The following ZNF804B variants were observed in gnomAD, a reference collection of about 807,000 sequenced individuals.
The protein encoded by ZNF804B is zinc finger protein 804B, also known as zinc finger 804B.
In ZNF804B, 80 loss-of-function variants were observed where a neutral mutation model predicts 101.4. That is an observed-to-expected ratio of 0.79 (90% CI 0.66 to 0.95). The LOEUF (loss-of-function observed/expected upper bound fraction) is 0.95, where lower values mean the gene tolerates loss of function less well. Among genes scored for constraint, ZNF804B ranks in the 40% least tolerant of loss-of-function variants. ZNF804B has a pLI of 0.00. For missense variants in ZNF804B, 1,673 were observed against 1,561.9 expected, an observed-to-expected ratio of 1.07 and a Z score of -1.20; for synonymous variants, 622 against 558.8, an observed-to-expected ratio of 1.11 and a Z score of -1.59.
chr7:89,272,786 C>T (rs975896264), intron 2 of ZNF804B, among the ~76,000 whole-genome samples: 16 of 152,030 alleles, frequency 1.1e-4, no homozygotes, highest in African/African-American at 3.6e-4. Context: ...ACAATGTATA[C>T]ACCACCTACC....
chr7:89,327,829 G>T (rs1283749037), intron 3 of ZNF804B, among the ~76,000 whole-genome samples: 3 of 151,520 alleles, frequency 2.0e-5, no homozygotes, highest in African/African-American at 7.3e-5. Context: ...TAGGGGGTGG[G>T]GAATAAGTCT....
At chr7:88,958,914 G>A (rs536670860) in intron 1 of ZNF804B, among the ~76,000 whole-genome samples, 6 of 151,432 alleles carry the variant, frequency 4.0e-5, no homozygotes, top group Admixed American at 2.0e-4. Context: ...TCCCACTAAG[G>A]AATTATAATT....
chr7:89,150,805 G>C (rs1041793358), intron 1 of ZNF804B, among the ~76,000 whole-genome samples: 2 of 152,070 alleles, frequency 1.3e-5, no homozygotes, highest in African/African-American at 4.8e-5. Flanking sequence ...GCTTGGCTGA[G>C]GCTTTCTAAG....
intron 1 of ZNF804B, among the ~76,000 whole-genome samples, chr7:88,844,406 A>G (rs1462265423): frequency 6.6e-6 from 1 of 152,132 alleles, no homozygotes; most frequent in Non-Finnish European, 1.5e-5. Flanking sequence ...TTTTTGTGAC[A>G]TTGACTAGTT....
intron 1 of ZNF804B, among the ~76,000 whole-genome samples, chr7:88,977,221 G>T (rs1244261770): frequency 6.6e-6 from 1 of 150,514 alleles, no homozygotes; most frequent in Non-Finnish European, 1.5e-5. Flanking sequence ...CTCTGTCTCT[G>T]CCTCGTTTTG....
intron 1 of ZNF804B, among the ~76,000 whole-genome samples, chr7:89,152,299 T>G (rs992658102): frequency 6.6e-6 from 1 of 151,862 alleles, no homozygotes; most frequent in African/African-American, 2.4e-5. Flanking sequence ...GAGGTATGAT[T>G]TAGTTTCCCT....
chr7:88,936,851 T>C (rs1792978605), intron 1 of ZNF804B, among the ~76,000 whole-genome samples: 1 of 152,076 alleles, frequency 6.6e-6, no homozygotes, highest in Non-Finnish European at 1.5e-5. Flanking sequence ...TTAATTTCCT[T>C]GAGTTCAAAA....
At chr7:89,320,979 G>C (rs560929385) in intron 2 of ZNF804B, among the ~76,000 whole-genome samples, 31 of 152,150 alleles carry the variant, frequency 2.0e-4, no homozygotes, top group African/African-American at 7.0e-4. Context: ...GAGTAAATAT[G>C]TTAGGAAATA....
At chr7:88,782,473 G>A (rs1309241049) in intron 1 of ZNF804B, among the ~76,000 whole-genome samples, 2 of 151,714 alleles carry the variant, frequency 1.3e-5, no homozygotes, top group Non-Finnish European at 2.9e-5. Flanking sequence ...GTATATACGT[G>A]CACATGTATT....
chr7:89,323,667 CTTTG>C (rs1265250239), intron 2 of ZNF804B, among the ~76,000 whole-genome samples: 2 of 152,104 alleles, frequency 1.3e-5, no homozygotes, highest in East Asian at 3.9e-4. Flanking sequence ...TATGTTACCT[CTTTG>C]TTTATTACCT....
At chr7:89,207,198 A>T (rs1373366467) in intron 1 of ZNF804B, among the ~76,000 whole-genome samples, 1 of 152,174 alleles carries the variant, frequency 6.6e-6, no homozygotes, top group Non-Finnish European at 1.5e-5. Flanking sequence ...CCACTCTACT[A>T]GTACCAGTTT....
chr7:88,872,531 C>T (rs539641222), intron 1 of ZNF804B, among the ~76,000 whole-genome samples: 510 of 151,926 alleles, frequency 3.4e-3, no homozygotes, highest in South Asian at 0.01. Context: ...AGGTTAGTTA[C>T]ATATGTATAC....
At chr7:88,916,621 A>G (rs984278476) in intron 1 of ZNF804B, among the ~76,000 whole-genome samples, 10 of 152,180 alleles carry the variant, frequency 6.6e-5, no homozygotes, top group African/African-American at 2.2e-4. Context: ...TTAGAAATGT[A>G]GAAGAATGCT....
At chr7:89,307,326 A>T (rs1790580831) in intron 2 of ZNF804B, among the ~76,000 whole-genome samples, 1 of 152,046 alleles carries the variant, frequency 6.6e-6, no homozygotes, top group South Asian at 2.1e-4. Flanking sequence ...CTTTTAAAAT[A>T]ATATTTTAAA....
In ZNF804B at chr7:89,336,898, T is replaced by C. The variant is rs755549592; in HGVS notation, c.3916T>C (p.Ser1306Pro). The stretch of plus-strand genomic sequence containing the variant: ...TCCTCACTTAAATCCAGCCACAACT[T>C]CTATCATCCACTTGAATCCTTTAAT... ...FGPHLNPATT[S>P]IIHLNPLIQP... The change falls in exon 4 of 4, where the codon TCT becomes CCT. Residue 1306 changes from serine to proline, a missense_variant. Physicochemically the swap from Ser to Pro is moderately conservative, Grantham distance 74. Coordinates refer to ENST00000333190, the MANE Select transcript of ZNF804B (RefSeq NM_181646.5). 1 of 1,614,098 alleles carries C rather than the reference T, an allele frequency of 6.2e-7. No homozygotes were observed. The highest frequency in any genetic ancestry group is 1.1e-5 in the South Asian group (1 of 91,080).
chr7:88,897,646 C>A (rs986577552), intron 1 of ZNF804B, among the ~76,000 whole-genome samples: 1 of 152,156 alleles, frequency 6.6e-6, no homozygotes, highest in Non-Finnish European at 1.5e-5. Context: ...GAATCAGAGT[C>A]TCAGCTAAAT....
At chr7:89,114,154 T>C (rs1790273557) in intron 1 of ZNF804B, among the ~76,000 whole-genome samples, 2 of 152,222 alleles carry the variant, frequency 1.3e-5, no homozygotes, top group African/African-American at 4.8e-5. Context: ...ATACTAATCA[T>C]TTGATTATTG....
Position 89,215,789 on chromosome 7 carries a change from C to T in ZNF804B, c.109-2366C>T, listed in dbSNP as rs1436393420. On this transcript the variant is annotated intron_variant, in intron 1 of 3. Coordinates refer to ENST00000333190, the MANE Select transcript of ZNF804B (RefSeq NM_181646.5). ...TGCAAGCTACTGCGGGAGGCTGAGGCAGGAGAATGGCGTGAAAACGGGAGG... is the reference window on the plus strand; with the variant it reads ...TGCAAGCTACTGCGGGAGGCTGAGGTAGGAGAATGGCGTGAAAACGGGAGG... Among the ~76,000 whole-genome samples the T allele has an allele frequency of 5.3e-5, 8 of 151,788 alleles. No individual in the cohort carries two copies. The South Asian group carries it at 6.2e-4, about 12-fold the overall frequency.
chr7:89,019,930 T>A lies in ZNF804B; in HGVS notation c.109-198225T>A, dbSNP rs534400461. Among the ~76,000 whole-genome samples the A allele has an allele frequency of 3.3e-5, 5 of 152,032 alleles. 1 individual carries two copies. In the South Asian group the frequency reaches 1.0e-3, roughly 32 times the overall value. ...GTGGATATTTTTGATTGTGGAAATA[T>A]AATCAATTTATACCCAAGGATATTA... On this transcript the variant is annotated intron_variant, in intron 1 of 3. Transcript: ENST00000333190.
Sources: gnomAD v4.1 joint callset for allele counts (sites outside exome capture counted in the v4.1 genomes callset) on GRCh38, gnomAD v4.1.1 for gene constraint, MANE v1.5 for transcripts, NCBI Gene and HGNC (gene_info 2026-07-23, HGNC 2026-07-21) for gene names.